Variants in SLC22A14 observed in about 807,000 individuals in gnomAD.
The protein encoded by SLC22A14 is organic cation transporter-like 4.
A neutral mutation model predicts 53.9 loss-of-function variants in SLC22A14; 50 were observed. The observed-to-expected ratio is 0.93, with a 90% CI of 0.74 to 1.17. SLC22A14 has a LOEUF of 1.17. SLC22A14 is among the 50% of genes most tolerant of loss of function. SLC22A14 has a pLI of 0.00. For synonymous variants in SLC22A14, 312 were observed against 303.0 expected (o/e 1.03, Z -0.31); for missense variants, 671 against 734.7 (o/e 0.91, Z 1.00).
intron 9 of SLC22A14, 84 bp from the exon 10 acceptor site, chr3:38,316,240 G>A: frequency 8.5e-7 from 1 of 1,173,168 alleles, no homozygotes; most frequent in South Asian, 1.3e-5. Flanking sequence ...AGACTGGAGA[G>A]TGTGGGTTTT....
At chr3:38,300,083 A>G (rs1225915218) in intron 1 of SLC22A14, among the ~76,000 whole-genome samples, 1 of 152,238 alleles carries the variant, frequency 6.6e-6, no homozygotes, top group African/African-American at 2.4e-5. Context: ...TTTTAAGTGT[A>G]TCAGTGGTCT....
At chr3:38,313,242 A>G (rs2125891341) in intron 6 of SLC22A14, 123 bp downstream of exon 6, 2 of 1,458,690 alleles carry the variant, frequency 1.4e-6, no homozygotes, top group South Asian at 1.2e-5. Flanking sequence ...CTTAAGGACA[A>G]TGGTGACAGC....
intron 4 of SLC22A14, 54 bp from the exon 5 acceptor site, chr3:38,308,900 C>T: frequency 6.4e-7 from 1 of 1,552,264 alleles, no homozygotes; most frequent in East Asian, 2.2e-5. Flanking sequence ...GATGCAAGGG[C>T]AGCCCTGGGG....
intron 1 of SLC22A14, among the ~76,000 whole-genome samples, chr3:38,292,874 G>T (rs963590550): frequency 1.3e-5 from 2 of 152,182 alleles, no homozygotes; most frequent in African/African-American, 2.4e-5. Flanking sequence ...AAAGAGTAAA[G>T]TTCCCCAGTC....
At chr3:38,302,423 A>AAGGCAAGCAGATTGCTT (rs1247862244) in intron 1 of SLC22A14, among the ~76,000 whole-genome samples, 1 of 151,500 alleles carries the variant, frequency 6.6e-6, no homozygotes, top group African/African-American at 2.4e-5. Context: ...GCAGATTGCC[A>AAGGCAAGCAGATTGCTT]AGGCAAGCAG....
In SLC22A14 at chr3:38,313,685, T is replaced by TGCGCGCGC. The variant is rs1553644857; in HGVS notation, c.1164-35_1164-34insCGCGCGCG. The TGCGCGCGC allele has an allele frequency of 1.4e-3, 1,222 of 898,576 alleles. 3 individuals are homozygous for TGCGCGCGC. Among genetic ancestry groups the TGCGCGCGC allele is most frequent in the Non-Finnish European group, 2.0e-3 (1,094 of 554,230 alleles). The allele number at this position is 898,576 out of a possible 1,614,324, so 55.7% of individuals were successfully genotyped here. A position where few individuals can be genotyped will look rare whatever the true frequency, so the allele number is the denominator to read the frequency against. ...GTCTTTATTCCTGGCTCCGTGTGTG[T>TGCGCGCGC]GCGCGCGTGTGCACGCGCACTTGCC... is the stretch of plus-strand genomic sequence containing the variant. On this transcript the variant is annotated intron_variant, in intron 7 of 10. Transcript: ENST00000448498.
chr3:38,301,902 G>A (rs544591777), intron 1 of SLC22A14, among the ~76,000 whole-genome samples: 7 of 151,516 alleles, frequency 4.6e-5, no homozygotes, highest in Admixed American at 3.9e-4. Flanking sequence ...GATCTATTAA[G>A]TATTGATCTA....
chr3:38,288,359 C>G (rs1703835870), intron 1 of SLC22A14, among the ~76,000 whole-genome samples: 1 of 152,184 alleles, frequency 6.6e-6, no homozygotes, highest in Admixed American at 6.5e-5. Context: ...GTTGCTTCCA[C>G]CTTTTGTCTA....
intron 1 of SLC22A14, among the ~76,000 whole-genome samples, chr3:38,297,357 G>C (rs149302186): frequency 1.3e-5 from 2 of 152,166 alleles, no homozygotes; most frequent in African/African-American, 4.8e-5. Context: ...GTCTGGGAAA[G>C]TTCCTCAGCC....
chr3:38,282,806 C>T (rs147224482), intron 1 of SLC22A14, among the ~76,000 whole-genome samples: 9 of 152,268 alleles, frequency 5.9e-5, no homozygotes, highest in East Asian at 5.8e-4. Context: ...GAGAGGACAG[C>T]GGAGGCTCTC....
chr3:38,284,752 A>G (rs1487990556), intron 1 of SLC22A14, among the ~76,000 whole-genome samples: 2 of 149,960 alleles, frequency 1.3e-5, no homozygotes, highest in Non-Finnish European at 3.0e-5. Context: ...GCCTCCCACA[A>G]AATTAAAAAA....
rs375724554 is a variant in SLC22A14, at chr3:38,313,016, C to T, written c.962C>T (p.Pro321Leu). The change falls in exon 6 of 11, where the codon CCG becomes CTG. Residue 321 changes from proline to leucine, a missense_variant. Physicochemically the swap from Pro to Leu is moderately conservative, Grantham distance 98. Coordinates refer to ENST00000448498, the MANE Select transcript of SLC22A14 (RefSeq NM_001320033.2). ...ISYIWILPES[P>L]RWLMMKGKVK... The stretch of plus-strand genomic sequence containing the variant: ...CCACGCAGGATTCTCCCGGAGTCCC[C>T]GCGGTGGCTGATGATGAAAGGGAAG... 3.0e-5 allele frequency: 48 copies of T among 1,583,426 alleles called. No homozygotes were observed. Among genetic ancestry groups the T allele is most frequent in the African/African-American group, 6.7e-5 (5 of 74,716 alleles).
chr3:38,293,022 C>T (rs1703946514), intron 1 of SLC22A14, among the ~76,000 whole-genome samples: 1 of 152,102 alleles, frequency 6.6e-6, no homozygotes, highest in Non-Finnish European at 1.5e-5. Context: ...AGACAGTTAA[C>T]CTCCTGGCCC....
chr3:38,312,811 G>C (rs1487467689), intron 5 of SLC22A14, among the ~76,000 whole-genome samples, 188 bp from the exon 6 acceptor site: 1 of 152,200 alleles, frequency 6.6e-6, no homozygotes, highest in Non-Finnish European at 1.5e-5. Flanking sequence ...GTGAGGCTTA[G>C]ACAGGGGAAG....
At chr3:38,317,587 A>G (rs1286077856) in intron 10 of SLC22A14, among the ~76,000 whole-genome samples, 1 of 152,172 alleles carries the variant, frequency 6.6e-6, no homozygotes, top group African/African-American at 2.4e-5. Context: ...GATAATGGTT[A>G]TGGGCACAGG....
intron 5 of SLC22A14, 51 bp from the exon 6 acceptor site, chr3:38,312,948 G>T (rs1186975530): frequency 6.4e-7 from 1 of 1,561,098 alleles, no homozygotes; most frequent in Admixed American, 2.0e-5. Flanking sequence ...GCCAGCAGGG[G>T]GTCTCTGGGC....
chr3:38,316,654 T>C (rs1484388467), intron 10 of SLC22A14, 130 bp downstream of exon 10: 2 of 772,138 alleles, frequency 2.6e-6, no homozygotes, highest in South Asian at 3.5e-5. Context: ...GGCTGCCATG[T>C]CCGCAGCAGT....
chr3:38,302,330 T>TA (rs1704186034), intron 1 of SLC22A14, among the ~76,000 whole-genome samples: 3 of 144,386 alleles, frequency 2.1e-5, no homozygotes, highest in Non-Finnish European at 3.0e-5. Context: ...ACATATATAT[T>TA]TATATATATA....
At position 38,309,075 on chromosome 3, in the gene SLC22A14, G is replaced by A. The variant is rs1487254951; in HGVS notation, c.897G>A (p.Leu299=). ...ACAGTCTTCCCCACTGGCAGCTGCT[G>A]TTTCTGGTGGGTGGGATACTTGTGA... The part of the protein sequence containing the change: ...IAYSLPHWQL[L]FLVGGILVIP... The change falls in exon 5 of 11, where the codon CTG becomes CTA. Residue 299 remains leucine, a synonymous_variant. Transcript: ENST00000448498. The A allele has an allele frequency of 6.2e-7, 1 of 1,614,152 alleles. No individual in the cohort carries two copies. Among genetic ancestry groups the A allele is most frequent in the Non-Finnish European group, 8.5e-7 (1 of 1,179,970 alleles).
Sources: allele counts gnomAD v4.1 joint callset (sites outside exome capture counted in the v4.1 genomes callset), GRCh38; gene constraint gnomAD v4.1.1; transcripts MANE v1.5; gene names NCBI Gene and HGNC (gene_info 2026-07-23, HGNC 2026-07-21).